Variants in MEF2D observed in about 807,000 individuals in gnomAD.
MEF2D encodes myocyte-specific enhancer factor 2D.
In MEF2D, 10 loss-of-function variants were observed where a neutral mutation model predicts 59.3. That is an observed-to-expected ratio of 0.17 (90% confidence interval 0.10 to 0.29). The LOEUF is 0.29. Among genes scored for constraint, MEF2D ranks in the 10% least tolerant of loss-of-function variants. The pLI is 1.00. For synonymous variants in MEF2D, 305 were observed against 295.0 expected (o/e 1.03, Z -0.35); for missense variants, 508 against 699.4 (o/e 0.73, Z 3.09).
chr1:156,468,344 G>A lies in MEF2D; in HGVS notation c.1248-45C>T. ...ATGGGGTACAAGGGATAAAAACAGA[G>A]GGGGTGAGTGACAGAACAAGTGATA... is the stretch of plus-strand genomic sequence containing the variant. On this transcript the variant is annotated intron_variant, in intron 10 of 11. Transcript: ENST00000348159. This position sits in a 1 kb window ranked among gnomAD's most constrained non-coding sequence, Gnocchi z 4.3. 1 of 1,386,384 alleles carries A rather than the reference G, an allele frequency of 7.2e-7. No individual in the cohort carries two copies. Among genetic ancestry groups the A allele is most frequent in the Non-Finnish European group, 9.8e-7 (1 of 1,016,792 alleles). 85.9% of individuals were successfully genotyped at this position (1,386,384 alleles called of 1,614,324 possible).
intron 1 of MEF2D, among the ~76,000 whole-genome samples, chr1:156,493,342 G>A (rs1003925671): frequency 6.6e-6 from 1 of 152,198 alleles, no homozygotes; most frequent in Admixed American, 6.5e-5. Flanking sequence ...TCATGACCTC[G>A]AGAAGCCACT....
At chr1:156,493,578 G>C (rs1191336527) in intron 1 of MEF2D, among the ~76,000 whole-genome samples, 1 of 151,594 alleles carries the variant, frequency 6.6e-6, no homozygotes, top group Non-Finnish European at 1.5e-5. Flanking sequence ...AAGGAAGGGG[G>C]TGGGGAGAGC....
At chr1:156,478,995 C>T (rs1342486933) in intron 6 of MEF2D, among the ~76,000 whole-genome samples, 1 of 152,178 alleles carries the variant, frequency 6.6e-6, no homozygotes, top group Non-Finnish European at 1.5e-5. Context: ...TCCTCCAGAT[C>T]CCAACCACAC....
At chr1:156,498,705 C>T (rs762174677) in intron 1 of MEF2D, among the ~76,000 whole-genome samples, 4 of 150,378 alleles carry the variant, frequency 2.7e-5, no homozygotes, top group Non-Finnish European at 4.4e-5. Context: ...GGTGTGTTGG[C>T]GGGGGCAGGG....
intron 1 of MEF2D, among the ~76,000 whole-genome samples, chr1:156,487,299 A>G (rs1672437910): frequency 6.6e-6 from 1 of 152,186 alleles, no homozygotes; most frequent in South Asian, 2.1e-4. Context: ...TAAAAAGACT[A>G]GGCCCCATCT....
At chr1:156,480,516 G>T in intron 4 of MEF2D, 1 of 934,450 alleles carries the variant, frequency 1.1e-6, no homozygotes, top group South Asian at 1.8e-5. Flanking sequence ...CAAGGTCAGA[G>T]GTTCCTCAGT....
Position 156,468,550 on chromosome 1 carries a change from C to G in MEF2D, c.1247+230G>C, listed in dbSNP as rs549495555. 6.6e-6 allele frequency among the ~76,000 whole-genome samples: 1 copy of G among 152,102 alleles called. No homozygotes were observed. Among genetic ancestry groups the G allele is most frequent in the South Asian group, 2.1e-4 (1 of 4,834 alleles). On this transcript the variant is annotated intron_variant, in intron 10 of 11. Transcript: ENST00000348159. The surrounding 1 kb of genome is among the most constrained non-coding windows in gnomAD (Gnocchi z 4.3). ...ATCTTCTGCAACACAGGGCCCCCCA[C>G]CTCCCACCCCCTACCCTGGGGCTGG...
chr1:156,481,783 G>A (rs568388523), intron 3 of MEF2D, among the ~76,000 whole-genome samples: 11 of 152,308 alleles, frequency 7.2e-5, no homozygotes, highest in African/African-American at 1.2e-4. Context: ...CAAGGTGCAC[G>A]CACCTCAGTG....
intron 6 of MEF2D, among the ~76,000 whole-genome samples, chr1:156,478,128 T>A (rs541133803): frequency 1.3e-5 from 2 of 152,236 alleles, no homozygotes; most frequent in Non-Finnish European, 2.9e-5. Flanking sequence ...AGGGCCTCTA[T>A]GGATCACTGC....
intron 1 of MEF2D, among the ~76,000 whole-genome samples, chr1:156,498,826 T>C (rs1485259579): frequency 6.6e-6 from 1 of 151,996 alleles, no homozygotes; most frequent in Non-Finnish European, 1.5e-5. Flanking sequence ...AATCACCCCG[T>C]ATAAAGAGGT....
intron 6 of MEF2D, among the ~76,000 whole-genome samples, chr1:156,478,785 CT>C (rs1364076419): frequency 6.9e-6 from 1 of 143,994 alleles, no homozygotes; most frequent in African/African-American, 2.8e-5. Flanking sequence ...CCATCTCAGC[CT>C]CCCAAAGTGC....
chr1:156,477,324 G>T, intron 6 of MEF2D, 122 bp from the exon 7 acceptor site: 1 of 807,392 alleles, frequency 1.2e-6, no homozygotes, highest in South Asian at 1.8e-5. Context: ...TAGGCTTTGA[G>T]TGGGGGCTGA....
chr1:156,483,143 T>A, intron 2 of MEF2D, 96 bp downstream of exon 2: 1 of 1,291,366 alleles, frequency 7.7e-7, no homozygotes, highest in Admixed American at 1.7e-5. Flanking sequence ...TAGTTTCCCC[T>A]CTTCCACAAA....
intron 1 of MEF2D, among the ~76,000 whole-genome samples, chr1:156,498,357 T>G (rs1235866774): frequency 6.6e-6 from 1 of 152,102 alleles, no homozygotes; most frequent in African/African-American, 2.4e-5. Flanking sequence ...CAATTCCCCA[T>G]GCCCATCCCC....
intron 1 of MEF2D, among the ~76,000 whole-genome samples, chr1:156,486,048 C>T (rs1213500634): frequency 4.6e-5 from 7 of 152,080 alleles, no homozygotes; most frequent in African/African-American, 1.7e-4. Context: ...CAGGATTTCA[C>T]CATGTTGGAC....
chr1:156,481,536 C>T (rs1198932722), intron 3 of MEF2D, among the ~76,000 whole-genome samples: 2 of 152,164 alleles, frequency 1.3e-5, no homozygotes, highest in African/African-American at 2.4e-5. Flanking sequence ...TGTGACCACC[C>T]TACATTCTAG....
intron 1 of MEF2D, among the ~76,000 whole-genome samples, chr1:156,485,510 C>G (rs1672294671): frequency 7.4e-6 from 1 of 135,568 alleles, no homozygotes; most frequent in South Asian, 2.5e-4. Context: ...ACTCCCTACC[C>G]TTCTCCTTCT....
In MEF2D at chr1:156,475,229, G is replaced by T; in HGVS notation, c.885C>A (p.Ala295=). The T allele has an allele frequency of 6.2e-7, 1 of 1,609,662 alleles. No homozygotes were observed. The highest frequency in any genetic ancestry group is 8.5e-7 in the Non-Finnish European group (1 of 1,177,838). Residue 295 remains alanine, a synonymous_variant, in exon 9 of 12, where the codon GCC becomes GCA. Coordinates refer to ENST00000348159, the MANE Select transcript of MEF2D (RefSeq NM_005920.4). ...TAGACTGGGAGACCCCAAGGCGCTG[G>T]GCATTGTTCTGTAGGAGAAAACTGT... is the stretch of plus-strand genomic sequence containing the variant. ...LTEDHLDLNN[A]QRLGVSQSTH...
chr1:156,467,601 T>C lies in MEF2D; in HGVS notation c.*44A>G. ...CAGGGAAGGGCGGGCGGTGAGATTG[T>C]CAACTCTTCATCAGGGAGGCTGAGA... On this transcript the variant is annotated 3_prime_UTR_variant, in exon 12 of 12. Coordinates refer to ENST00000348159, the MANE Select transcript of MEF2D (RefSeq NM_005920.4). 1 of 1,314,874 alleles carries C rather than the reference T, an allele frequency of 7.6e-7. No homozygotes were observed. Among genetic ancestry groups the C allele is most frequent in the Non-Finnish European group, 9.8e-7 (1 of 1,022,314 alleles). The allele number at this position is 1,314,874 out of a possible 1,614,324, so 81.5% of individuals were successfully genotyped here. A position where few individuals can be genotyped will look rare whatever the true frequency, so the allele number is the denominator to read the frequency against.
Sources: allele counts gnomAD v4.1 joint callset (sites outside exome capture counted in the v4.1 genomes callset), GRCh38; gene constraint gnomAD v4.1.1; non-coding constraint Gnocchi (gnomAD v3.1); transcripts MANE v1.5; gene names NCBI Gene and HGNC (gene_info 2026-07-23, HGNC 2026-07-21).